MED12L: variants seen among roughly 807,000 people sequenced by gnomAD.
MED12L encodes the protein mediator complex subunit 12L.
MED12L carries 60 observed loss-of-function variants against 281.3 expected under a neutral mutation model. The observed-to-expected ratio is 0.21, with a 90% CI of 0.17 to 0.26. MED12L has a LOEUF of 0.26. Ranked by LOEUF, MED12L falls within the 10% of genes least tolerant of loss-of-function variation. MED12L has a pLI of 1.00. For synonymous variants in MED12L, 974 were observed against 987.2 expected (o/e 0.99, Z 0.25); for missense variants, 2,146 against 2,680.9 (o/e 0.80, Z 4.41).
At chr3:151,100,606 C>T (rs1420835567) in intron 2 of MED12L, among the ~76,000 whole-genome samples, 1 of 152,086 alleles carries the variant, frequency 6.6e-6, no homozygotes, top group African/African-American at 2.4e-5. Context: ...TGCTTAGGTT[C>T]TTTTTCATCT....
intron 15 of MED12L, 25 bp downstream of exon 15, chr3:151,192,679 T>C (rs1193321572): frequency 1.4e-6 from 2 of 1,403,402 alleles, no homozygotes; most frequent in East Asian, 5.0e-5. Context: ...TGATTCTTAT[T>C]GACAATTAAG....
intron 16 of MED12L, chr3:151,213,356 C>T (rs749456790): frequency 6.2e-7 from 1 of 1,613,686 alleles, no homozygotes; most frequent in Non-Finnish European, 8.5e-7. Flanking sequence ...CTGGAAATGT[C>T]TAGGTCATTC....
At position 151,212,490 on chromosome 3, in the gene MED12L, C is replaced by T. The variant is rs533480729; in HGVS notation, c.2250+18824C>T. On this transcript the variant is annotated intron_variant, in intron 16 of 44. Coordinates refer to ENST00000687756, the MANE Select transcript of MED12L (RefSeq NM_001393769.1). ...CTACGGTGTGGGTGTGTCTTTTTCC[C>T]AGTCATCTTATTTTTCCCATACTAT... The T allele has an allele frequency of 6.6e-5, 10 of 152,128 alleles. No homozygotes were observed. In the East Asian group the frequency reaches 1.7e-3, roughly 26 times the overall value. The allele number at this position is 152,128 out of a possible 1,614,324, so 9.4% of individuals were successfully genotyped here.
intron 16 of MED12L, among the ~76,000 whole-genome samples, chr3:151,323,038 A>G (rs1749173468): frequency 6.6e-6 from 1 of 152,184 alleles, no homozygotes; most frequent in Non-Finnish European, 1.5e-5. Context: ...AAATCGTTCA[A>G]GCTAACGGTC....
chr3:151,195,629 A>ATAT (rs1724547599), intron 16 of MED12L, among the ~76,000 whole-genome samples: 1 of 152,192 alleles, frequency 6.6e-6, no homozygotes, highest in Non-Finnish European at 1.5e-5. Context: ...TATTTTAGAG[A>ATAT]TGTATCCTGA....
At chr3:151,351,567 CTCTG>C (rs1560063740) in intron 17 of MED12L, among the ~76,000 whole-genome samples, 1 of 152,134 alleles carries the variant, frequency 6.6e-6, no homozygotes, top group African/African-American at 2.4e-5. Context: ...TTGGTGTTTT[CTCTG>C]TCTTAGAGAA....
intron 11 of MED12L, among the ~76,000 whole-genome samples, chr3:151,167,499 TCTTAC>T (rs2148989286): frequency 6.6e-6 from 1 of 152,356 alleles, no homozygotes; most frequent in South Asian, 2.1e-4. Context: ...CCTTTCCTTC[TCTTAC>T]CTTTATGTGA....
In MED12L at chr3:151,294,831, G is replaced by A. The variant is rs766162743; in HGVS notation, c.2251-55228G>A. On this transcript the variant is annotated intron_variant, in intron 16 of 44. Transcript: ENST00000687756. ...AATGGCTTGACCACCTTCAGATAGCGATCAATGCTTATCAGCCCAAGGAAC... is the reference window on the plus strand; with the variant it reads ...AATGGCTTGACCACCTTCAGATAGCAATCAATGCTTATCAGCCCAAGGAAC... 1.4e-5 allele frequency: 22 copies of A among 1,613,902 alleles called. 1 individual carries two copies. The highest frequency in any genetic ancestry group is 8.9e-5 in the East Asian group (4 of 44,884).
At chr3:151,088,228 C>G (rs1257755420) in intron 2 of MED12L, among the ~76,000 whole-genome samples, 1 of 152,192 alleles carries the variant, frequency 6.6e-6, no homozygotes, top group Admixed American at 6.5e-5. Context: ...TAAATATGCT[C>G]TAGCATCAGT....
At chr3:151,141,187 G>GTTGTTTTTTTGTTTTT (rs1716932445) in intron 5 of MED12L, among the ~76,000 whole-genome samples, 12 of 99,106 alleles carry the variant, frequency 1.2e-4, no homozygotes, top group African/African-American at 5.7e-4. Context: ...TGTTTTTTTT[G>GTTGTTTTTTTGTTTTT]TTTTTTTTTT....
At chr3:151,105,487 A>G (rs1416211354) in intron 2 of MED12L, among the ~76,000 whole-genome samples, 3 of 152,062 alleles carry the variant, frequency 2.0e-5, no homozygotes, top group East Asian at 1.9e-4. Flanking sequence ...TCCCTGCAGC[A>G]CTTGATTCTG....
At position 151,406,967 on chromosome 3, in the gene MED12L, T is replaced by C. The variant is rs181642017; in HGVS notation, c.5821-2276T>C. 5.1e-3 allele frequency among the ~76,000 whole-genome samples: 774 copies of C among 152,106 alleles called. 6 individuals carry two copies. Among genetic ancestry groups the C allele is most frequent in the African/African-American group, 0.018 (740 of 41,494 alleles). On this transcript the variant is annotated intron_variant, in intron 39 of 44. Coordinates refer to ENST00000687756, the MANE Select transcript of MED12L (RefSeq NM_001393769.1). ...GGCACGTGTCAGCACATCCAGCTAA[T>C]TTTTTGTATTTTTTGTAGAGATCAG... is the stretch of plus-strand genomic sequence containing the variant.
At chr3:151,316,269 A>G (rs1748220486) in intron 16 of MED12L, among the ~76,000 whole-genome samples, 1 of 152,222 alleles carries the variant, frequency 6.6e-6, no homozygotes, top group African/African-American at 2.4e-5. Context: ...CCTGGGAAAC[A>G]ATTATAAGAG....
intron 39 of MED12L, among the ~76,000 whole-genome samples, chr3:151,397,444 C>T (rs1472741619): frequency 1.3e-5 from 2 of 152,124 alleles, no homozygotes; most frequent in African/African-American, 2.4e-5. Flanking sequence ...ATGTAGCATC[C>T]GTCATGGTAC....
In MED12L at chr3:151,394,779, C is replaced by T. The variant is rs746856557; in HGVS notation, c.5732C>T (p.Ser1911Leu). The T allele has an allele frequency of 3.1e-5, 50 of 1,614,088 alleles. No homozygotes were observed. Among genetic ancestry groups the T allele is most frequent in the East Asian group, 1.1e-4 (5 of 44,896 alleles). Residue 1911 changes from serine (S) to leucine (L), a missense_variant, in exon 39 of 45, where the codon TCG (serine) becomes TTG (leucine). Physicochemically the swap from Ser to Leu is moderately radical, Grantham distance 145. Around this residue, in one of 9 missense-constraint regions of MED12L, gnomAD observed 496 missense variants for 512.0 expected, o/e 0.97. Coordinates refer to ENST00000687756, the MANE Select transcript of MED12L (RefSeq NM_001393769.1). ...CCGCCTTCTCTTCATGCAATCACAT[C>T]GCAGCAGCAGTTGATACAGATGAAG... Reference protein sequence around the residue: ...MQPPSLHAITSQQQLIQMKLL... With the variant: ...MQPPSLHAITLQQQLIQMKLL...
At chr3:151,345,901 G>C (rs1193442232) in intron 16 of MED12L, among the ~76,000 whole-genome samples, 1 of 152,158 alleles carries the variant, frequency 6.6e-6, no homozygotes, top group East Asian at 1.9e-4. Flanking sequence ...GCCTCTGCCT[G>C]TCCTATTTGA....
intron 26 of MED12L, among the ~76,000 whole-genome samples, chr3:151,371,475 A>T (rs79367820): frequency 0.058 from 8,798 of 152,316 alleles, 337 homozygotes; most frequent in East Asian, 0.1. Context: ...TGAGAAACAT[A>T]TGATTATATA....
chr3:151,377,629 C>T (rs759928427), intron 30 of MED12L, among the ~76,000 whole-genome samples: 4 of 152,018 alleles, frequency 2.6e-5, no homozygotes, highest in African/African-American at 7.2e-5. Flanking sequence ...GTATAACTAG[C>T]GAATTTTAAA....
chr3:151,225,573 A>G (rs1359660427), intron 16 of MED12L, among the ~76,000 whole-genome samples: 1 of 152,152 alleles, frequency 6.6e-6, no homozygotes, highest in East Asian at 1.9e-4. Flanking sequence ...TGGCAAATCA[A>G]TTTCAAATGA....
Sources: gnomAD v4.1 joint callset for allele counts (sites outside exome capture counted in the v4.1 genomes callset) on GRCh38, gnomAD v4.1.1 for gene constraint, gnomAD v4.1.1 regional missense constraint, MANE v1.5 for transcripts, NCBI Gene and HGNC (gene_info 2026-07-23, HGNC 2026-07-21) for gene names.